LRP1B: variants seen among roughly 807,000 people sequenced by gnomAD.
LRP1B encodes LDL receptor related protein 1B.
Under a neutral mutation model 556.6 loss-of-function variants are expected in LRP1B, and 217 were observed. That is an observed-to-expected ratio of 0.39 (90% confidence interval 0.35 to 0.44). LRP1B has a LOEUF of 0.44. Among genes scored for constraint, LRP1B ranks in the 20% least tolerant of loss-of-function variants. LRP1B has a pLI of 1.00. For synonymous variants in LRP1B, 2,047 were observed against 1,865.8 expected (o/e 1.10, Z -2.50); for missense variants, 5,053 against 5,620.8 (o/e 0.90, Z 3.23).
chr2:141,353,509 A>G (rs1397182847), intron 3 of LRP1B, among the ~76,000 whole-genome samples: 1 of 151,966 alleles, frequency 6.6e-6, no homozygotes, highest in Non-Finnish European at 1.5e-5. Flanking sequence ...TTCTTTAAAA[A>G]CTTTTTTAAC....
intron 64 of LRP1B, 37 bp from the exon 65 acceptor site, chr2:140,444,486 G>A (rs763936490): frequency 3.7e-6 from 6 of 1,613,320 alleles, no homozygotes; most frequent in Admixed American, 1.7e-5. Flanking sequence ...GAAAATTTGT[G>A]TCTGAATTAA....
At chr2:140,294,540 C>A (rs1683523917) in intron 84 of LRP1B, among the ~76,000 whole-genome samples, 1 of 152,084 alleles carries the variant, frequency 6.6e-6, no homozygotes, top group Non-Finnish European at 1.5e-5. Context: ...AGAATTTGAA[C>A]AATTTCAAAA....
intron 3 of LRP1B, among the ~76,000 whole-genome samples, chr2:141,317,588 T>C (rs6712429): frequency 0.56 from 84,825 of 151,942 alleles, 24,992 homozygotes; most frequent in Middle Eastern, 0.68. Flanking sequence ...CACAATTTAG[T>C]GTATACCTAT....
intron 3 of LRP1B, among the ~76,000 whole-genome samples, chr2:141,365,118 G>C (rs1688968538): frequency 6.6e-6 from 1 of 152,148 alleles, no homozygotes; most frequent in East Asian, 1.9e-4. Flanking sequence ...AACCAATGGA[G>C]AAAGAAACAT....
intron 1 of LRP1B, among the ~76,000 whole-genome samples, chr2:141,867,858 A>G (rs1384654399): frequency 6.6e-6 from 1 of 152,114 alleles, no homozygotes; most frequent in Non-Finnish European, 1.5e-5. Context: ...TAAAAGGGGG[A>G]ATAAGTTATA....
At chr2:141,278,582 G>T (rs746958970) in intron 3 of LRP1B, among the ~76,000 whole-genome samples, 2 of 152,132 alleles carry the variant, frequency 1.3e-5, no homozygotes, top group African/African-American at 2.4e-5. Context: ...AAAGATTAGT[G>T]TAACACTATG....
At chr2:141,290,137 A>G (rs1344097411) in intron 3 of LRP1B, among the ~76,000 whole-genome samples, 1 of 152,158 alleles carries the variant, frequency 6.6e-6, no homozygotes, top group Admixed American at 6.5e-5. Flanking sequence ...GCTTCATGAA[A>G]GAAACACAGA....
At position 141,704,256 on chromosome 2, in the gene LRP1B, G is replaced by A. The variant is rs559615678; in HGVS notation, c.205+106023C>T. Among the ~76,000 whole-genome samples the A allele has an allele frequency of 8.6e-5, 13 of 151,878 alleles. No homozygotes were observed. In the South Asian group the frequency reaches 1.0e-3, roughly 12 times the overall value. ...TTTTATTCCATTGCACTTCTTTTCC[G>A]TTTCATTTACTAACCTTTTTCTTAT... On this transcript the variant is annotated intron_variant, in intron 2 of 90. Coordinates refer to ENST00000389484, the MANE Select transcript of LRP1B (RefSeq NM_018557.3).
chr2:140,529,408 A>G (rs1346773430), intron 47 of LRP1B, among the ~76,000 whole-genome samples: 1 of 136,364 alleles, frequency 7.3e-6, no homozygotes, highest in East Asian at 2.7e-4. Context: ...CCCTTACCCA[A>G]CTCGTAGCAA....
At chr2:141,268,292 C>T (rs1030613313) in intron 3 of LRP1B, among the ~76,000 whole-genome samples, 3 of 152,056 alleles carry the variant, frequency 2.0e-5, no homozygotes, top group African/African-American at 7.2e-5. Flanking sequence ...AGGCAGGAAG[C>T]TAGAGTAGAC....
At chr2:140,523,515 A>G (rs529306877) in intron 49 of LRP1B, among the ~76,000 whole-genome samples, 1 of 151,166 alleles carries the variant, frequency 6.6e-6, no homozygotes, top group African/African-American at 2.4e-5. Flanking sequence ...TTTTCAACAT[A>G]GTATAGGAAA....
At chr2:140,926,440 C>G (rs1028101455) in intron 20 of LRP1B, among the ~76,000 whole-genome samples, 2 of 152,022 alleles carry the variant, frequency 1.3e-5, no homozygotes, top group African/African-American at 4.8e-5. Flanking sequence ...CTCCTGGACT[C>G]ATACAGTTCT....
At chr2:141,702,065 G>A (rs1398329585) in intron 2 of LRP1B, among the ~76,000 whole-genome samples, 1 of 151,872 alleles carries the variant, frequency 6.6e-6, no homozygotes, top group Non-Finnish European at 1.5e-5. Flanking sequence ...ATGATAGAAG[G>A]AACTGGGGAA....
chr2:141,153,294 TATATA>T lies in LRP1B; in HGVS notation c.1013+35122_1013+35126del, dbSNP rs1285714705. 3.2e-3 allele frequency among the ~76,000 whole-genome samples: 407 copies of T among 126,258 alleles called. 2 individuals carry two copies. The highest frequency in any genetic ancestry group is 9.4e-3 in the African/African-American group (322 of 34,240). The allele number at this position is 126,258 out of a possible 152,430, so 82.8% of individuals were successfully genotyped here. On this transcript the variant is annotated intron_variant, in intron 7 of 90. Coordinates refer to ENST00000389484, the MANE Select transcript of LRP1B (RefSeq NM_018557.3). ...AATATATATAAGCTATATATATTTA[TATATA>T]ATATATTATATATATTAGCTATATA...
chr2:140,929,893 G>A (rs1559200743), intron 20 of LRP1B, among the ~76,000 whole-genome samples: 2 of 152,002 alleles, frequency 1.3e-5, no homozygotes, highest in South Asian at 4.1e-4. Flanking sequence ...GGGTGTTGAT[G>A]TTTAGGAATG....
At chr2:142,105,117 C>T (rs1445367511) in intron 1 of LRP1B, among the ~76,000 whole-genome samples, 3 of 152,116 alleles carry the variant, frequency 2.0e-5, no homozygotes, top group East Asian at 1.9e-4. Context: ...GGTGCAAAGG[C>T]GGGAAAGGCT....
At chr2:141,748,675 G>A (rs749481871) in intron 2 of LRP1B, among the ~76,000 whole-genome samples, 10 of 152,202 alleles carry the variant, frequency 6.6e-5, no homozygotes, top group Non-Finnish European at 7.3e-5. Context: ...ATGTGCTGGT[G>A]TGAGTTTCAT....
At chr2:140,542,759 A>G (rs559722976) in intron 43 of LRP1B, among the ~76,000 whole-genome samples, 1 of 152,264 alleles carries the variant, frequency 6.6e-6, no homozygotes, top group East Asian at 1.9e-4. Context: ...GGGTGGCTAT[A>G]TCTCACTGGG....
At chr2:140,871,448 T>C (rs762385817) in intron 25 of LRP1B, among the ~76,000 whole-genome samples, 3 of 152,150 alleles carry the variant, frequency 2.0e-5, no homozygotes, top group Non-Finnish European at 2.9e-5. Context: ...AAAATACTAA[T>C]ATCTATGTTT....
Sources: gnomAD v4.1 joint callset for allele counts (sites outside exome capture counted in the v4.1 genomes callset) on GRCh38, gnomAD v4.1.1 for gene constraint, MANE v1.5 for transcripts, NCBI Gene and HGNC (gene_info 2026-07-23, HGNC 2026-07-21) for gene names.